The following CPXM2 variants were observed in gnomAD, a reference collection of about 807,000 sequenced individuals.
CPXM2 encodes the protein carboxypeptidase X, M14 family member 2, also known as inactive carboxypeptidase-like protein X2.
In CPXM2, 66 loss-of-function variants were observed where a neutral mutation model predicts 86.1. The ratio of observed to expected loss-of-function variants is 0.77; its 90% CI spans 0.63 to 0.94. CPXM2 has a LOEUF of 0.94. Among genes scored for constraint, CPXM2 ranks in the 40% least tolerant of loss-of-function variants. The pLI is 0.00. For synonymous variants in CPXM2, 388 were observed against 400.2 expected (o/e 0.97, Z 0.36); for missense variants, 948 against 1,026.3 (o/e 0.92, Z 1.04).
intron 6 of CPXM2, among the ~76,000 whole-genome samples, chr10:123,783,313 G>T (rs986782281): frequency 6.6e-6 from 1 of 152,258 alleles, no homozygotes; most frequent in East Asian, 1.9e-4. Flanking sequence ...TTTCTTGCAC[G>T]AGGTCCAGGA....
chr10:123,797,939 C>T lies in CPXM2; in HGVS notation c.889+37G>A, dbSNP rs145140690. 24 of 1,529,420 alleles carry T rather than the reference C, an allele frequency of 1.6e-5. No individual in the cohort carries two copies. In the African/African-American group the frequency reaches 2.5e-4, roughly 16 times the overall value. The allele number at this position is 1,529,420 out of a possible 1,614,324, so 94.7% of individuals were successfully genotyped here. A position where few individuals can be genotyped will look rare whatever the true frequency, so the allele number is the denominator to read the frequency against. ...GCTGGGCATCTGTTTTCCATCAGTGCTCCCACCCTGCAGGAAGCACAGGAG... is the reference window on the plus strand; with the variant it reads ...GCTGGGCATCTGTTTTCCATCAGTGTTCCCACCCTGCAGGAAGCACAGGAG... On this transcript the variant is annotated intron_variant, in intron 6 of 13. Coordinates refer to ENST00000241305, the MANE Select transcript of CPXM2 (RefSeq NM_198148.3).
intron 3 of CPXM2, among the ~76,000 whole-genome samples, chr10:123,850,996 C>A (rs1284689496): frequency 6.6e-6 from 1 of 152,220 alleles, no homozygotes; most frequent in Non-Finnish European, 1.5e-5. Context: ...TGCCCTACAT[C>A]TTTGTCCACA....
intron 3 of CPXM2, among the ~76,000 whole-genome samples, chr10:123,850,948 G>C (rs1848586707): frequency 6.6e-6 from 1 of 152,170 alleles, no homozygotes; most frequent in South Asian, 2.1e-4. Context: ...AAGTGGCTGT[G>C]CTACTTTACA....
intron 3 of CPXM2, among the ~76,000 whole-genome samples, chr10:123,860,808 G>A (rs1257382644): frequency 6.6e-6 from 1 of 152,160 alleles, no homozygotes; most frequent in Non-Finnish European, 1.5e-5. Flanking sequence ...ATAAGAGATT[G>A]TTTGCAGTTG....
intron 3 of CPXM2, among the ~76,000 whole-genome samples, chr10:123,848,101 A>G (rs958992753): frequency 6.6e-5 from 10 of 152,242 alleles, no homozygotes; most frequent in African/African-American, 2.4e-4. Context: ...TTTAGAAGCA[A>G]TAGCTGAAAC....
At chr10:123,820,285 G>A (rs1311151904) in intron 4 of CPXM2, among the ~76,000 whole-genome samples, 1 of 152,216 alleles carries the variant, frequency 6.6e-6, no homozygotes, top group Admixed American at 6.5e-5. Flanking sequence ...TGGAGAAGCA[G>A]AGGCCACTCT....
chr10:123,796,830 G>A (rs1198853322), intron 6 of CPXM2, among the ~76,000 whole-genome samples: 2 of 152,220 alleles, frequency 1.3e-5, no homozygotes, highest in Non-Finnish European at 2.9e-5. Context: ...TTTGGGGGAT[G>A]AGTGACGACT....
chr10:123,771,835 C>T (rs1248749921), intron 7 of CPXM2, among the ~76,000 whole-genome samples: 1 of 152,132 alleles, frequency 6.6e-6, no homozygotes. Flanking sequence ...AGGGGCTTCC[C>T]CCTTCACTCA....
At chr10:123,919,260 G>A (rs184462988) in intron 2 of CPXM2, among the ~76,000 whole-genome samples, 1 of 152,162 alleles carries the variant, frequency 6.6e-6, no homozygotes, top group Non-Finnish European at 1.5e-5. Flanking sequence ...GATGCACAGG[G>A]ACTTGTGGTC....
At chr10:123,782,929 A>G (rs1227550613) in intron 6 of CPXM2, among the ~76,000 whole-genome samples, 1 of 152,258 alleles carries the variant, frequency 6.6e-6, no homozygotes, top group Non-Finnish European at 1.5e-5. Flanking sequence ...GGGAAAACCC[A>G]TCAAAACCAA....
chr10:123,792,606 C>G (rs148477441), intron 6 of CPXM2, among the ~76,000 whole-genome samples: 1 of 152,308 alleles, frequency 6.6e-6, no homozygotes, highest in African/African-American at 2.4e-5. Flanking sequence ...AGGGAGAGCA[C>G]AGTTCTAACA....
intron 3 of CPXM2, among the ~76,000 whole-genome samples, chr10:123,849,264 T>A (rs1389144116): frequency 6.6e-6 from 1 of 152,206 alleles, no homozygotes; most frequent in Non-Finnish European, 1.5e-5. Flanking sequence ...GTGGTTGATT[T>A]AGTAACTAAG....
chr10:123,760,693 G>A (rs772897750), intron 11 of CPXM2, among the ~76,000 whole-genome samples: 3 of 152,124 alleles, frequency 2.0e-5, no homozygotes, highest in Non-Finnish European at 4.4e-5. Flanking sequence ...AACTTATCAC[G>A]ACTGTTTCTG....
chr10:123,853,423 C>A (rs559912101), intron 3 of CPXM2, among the ~76,000 whole-genome samples: 1 of 152,346 alleles, frequency 6.6e-6, no homozygotes, highest in East Asian at 1.9e-4. Context: ...GTCATTTAGG[C>A]ATCCTCAGCA....
chr10:123,900,844 T>G (rs1270790977), intron 2 of CPXM2, among the ~76,000 whole-genome samples: 1 of 152,222 alleles, frequency 6.6e-6, no homozygotes, highest in Non-Finnish European at 1.5e-5. Context: ...TTTCTACATG[T>G]TACCGTTTGA....
intron 10 of CPXM2, among the ~76,000 whole-genome samples, chr10:123,763,098 G>A (rs1229280178): frequency 6.6e-6 from 1 of 152,156 alleles, no homozygotes; most frequent in Non-Finnish European, 1.5e-5. Flanking sequence ...GGAGTGCAGT[G>A]GCGCGATCTT....
chr10:123,914,003 C>A, intron 2 of CPXM2: 1 of 492,842 alleles, frequency 2.0e-6, no homozygotes. Context: ...AACCGCATTC[C>A]CTCCCCTGGG....
chr10:123,854,397 A>T (rs1346005843), intron 3 of CPXM2, among the ~76,000 whole-genome samples: 4 of 118,460 alleles, frequency 3.4e-5, no homozygotes, highest in Non-Finnish European at 6.7e-5. Context: ...TATATATATT[A>T]TATATATATT....
chr10:123,939,892 C>G (rs977435852), intron 1 of CPXM2, among the ~76,000 whole-genome samples: 7 of 152,292 alleles, frequency 4.6e-5, no homozygotes, highest in African/African-American at 7.2e-5. Flanking sequence ...GGAGAAGGCC[C>G]ACGAGACCAC....
Sources: gnomAD v4.1 joint callset for allele counts (sites outside exome capture counted in the v4.1 genomes callset) on GRCh38, gnomAD v4.1.1 for gene constraint, MANE v1.5 for transcripts, NCBI Gene and HGNC (gene_info 2026-07-23, HGNC 2026-07-21) for gene names.